Variants in SPCS2 observed in about 807,000 individuals in gnomAD.
SPCS2 encodes the protein SPase 25 kDa subunit.
Under a neutral mutation model 22.3 loss-of-function variants are expected in SPCS2, and 3 were observed. That is an observed-to-expected ratio of 0.13 (90% confidence interval 0.06 to 0.35). The LOEUF (loss-of-function observed/expected upper bound fraction) is 0.35. Among genes scored for constraint, SPCS2 ranks in the 10% least tolerant of loss-of-function variants. The probability of loss-of-function intolerance (pLI) is 1.00; values close to 1 mark genes in which losing one functional copy is unlikely to be tolerated. For synonymous variants in SPCS2, 67 were observed against 97.2 expected (o/e 0.69, Z 1.83); for missense variants, 169 against 280.9 (o/e 0.60, Z 2.85).
chr11:74,956,568 C>T (rs1479000029), intron 1 of SPCS2, among the ~76,000 whole-genome samples: 3 of 152,196 alleles, frequency 2.0e-5, no homozygotes, highest in Non-Finnish European at 2.9e-5. Context: ...AATCTGACCA[C>T]TCCTACCTAG....
At chr11:74,967,908 T>C (rs896580258) in intron 3 of SPCS2, among the ~76,000 whole-genome samples, 1 of 152,088 alleles carries the variant, frequency 6.6e-6, no homozygotes, top group African/African-American at 2.4e-5. Flanking sequence ...TACTCTAGCC[T>C]GGGTGACAGA....
At chr11:74,968,763 G>C (rs534590471) in intron 3 of SPCS2, among the ~76,000 whole-genome samples, 1 of 152,184 alleles carries the variant, frequency 6.6e-6, no homozygotes, top group Non-Finnish European at 1.5e-5. Flanking sequence ...GACCTCAAGT[G>C]ATCTGCCCAC....
chr11:74,978,605 C>T lies in SPCS2; in HGVS notation c.*1562C>T, dbSNP rs75021616. On this transcript the variant is annotated 3_prime_UTR_variant, in exon 5 of 5. Transcript: ENST00000263672. ...CATTTGCATATAACCTACACACATC[C>T]TCCCATATACTTTTAATCACCTCTG... 6.6e-6 allele frequency: 1 copy of T among 152,188 alleles called. No homozygotes were observed. The highest frequency in any genetic ancestry group is 1.5e-5 in the Non-Finnish European group (1 of 68,040). The allele number at this position is 152,188 out of a possible 1,614,324, so 9.4% of individuals were successfully genotyped here.
chr11:74,967,545 T>C (rs1279440553), intron 3 of SPCS2, among the ~76,000 whole-genome samples: 1 of 151,518 alleles, frequency 6.6e-6, no homozygotes, highest in African/African-American at 2.4e-5. Flanking sequence ...AGCCCAAGAG[T>C]TCAAGGCCAG....
At chr11:74,963,509 C>T (rs1948525853) in intron 1 of SPCS2, 2 of 372,508 alleles carry the variant, frequency 5.4e-6, no homozygotes, top group Middle Eastern at 9.1e-4. Context: ...AAAATCTTTA[C>T]AATTATTTTT....
At chr11:74,967,980 C>G (rs918376682) in intron 3 of SPCS2, among the ~76,000 whole-genome samples, 1 of 152,010 alleles carries the variant, frequency 6.6e-6, no homozygotes, top group Non-Finnish European at 1.5e-5. Context: ...TCCTTCATCT[C>G]TAAATCTCAT....
At chr11:74,959,500 T>G (rs1948499631) in intron 1 of SPCS2, among the ~76,000 whole-genome samples, 1 of 152,172 alleles carries the variant, frequency 6.6e-6, no homozygotes, top group Non-Finnish European at 1.5e-5. Flanking sequence ...TCAAGCCATC[T>G]TCCTGCCTCT....
intron 4 of SPCS2, among the ~76,000 whole-genome samples, chr11:74,972,718 C>T (rs1426888352): frequency 2.0e-5 from 3 of 150,556 alleles, no homozygotes; most frequent in Non-Finnish European, 4.4e-5. Flanking sequence ...ACATTCCCTT[C>T]TCTTTTTTTT....
chr11:74,964,565 A>G (rs1013152492), intron 1 of SPCS2, among the ~76,000 whole-genome samples: 2 of 152,224 alleles, frequency 1.3e-5, no homozygotes, highest in Admixed American at 6.5e-5. Context: ...GTATCTGTAA[A>G]TTCATGTATC....
chr11:74,952,531 A>G (rs1413211719), intron 1 of SPCS2, among the ~76,000 whole-genome samples: 3 of 152,074 alleles, frequency 2.0e-5, no homozygotes, highest in African/African-American at 7.2e-5. Flanking sequence ...TGCCCAGACT[A>G]ATCGTGAACT....
chr11:74,960,493 G>A (rs1948506429), intron 1 of SPCS2, among the ~76,000 whole-genome samples: 2 of 147,566 alleles, frequency 1.4e-5, no homozygotes, highest in Admixed American at 6.8e-5. Context: ...TCCTATTCAA[G>A]ATTAACATCT....
chr11:74,950,173 A>G (rs945773422), intron 1 of SPCS2, among the ~76,000 whole-genome samples: 8 of 152,228 alleles, frequency 5.3e-5, no homozygotes, highest in African/African-American at 1.9e-4. Context: ...TGGAAGAAAC[A>G]GTTGCACGGA....
rs75274447 is a variant in SPCS2 at position 74,949,705 on chromosome 11, G to A, written c.114+306G>A. 1.0e-2 allele frequency: 4,686 copies of A among 469,550 alleles called. 168 individuals are homozygous for A. Among genetic ancestry groups the A allele is most frequent in the African/African-American group, 0.085 (4,286 of 50,586 alleles). The allele number at this position is 469,550 out of a possible 1,614,324, so 29.1% of individuals were successfully genotyped here. The stretch of plus-strand genomic sequence containing the variant: ...TCCATCTCTTTTCTCCTGGGGGGCT[G>A]GGTGCACTGTTGTCAGTGCCCATTT... On this transcript the variant is annotated intron_variant, in intron 1 of 4. Transcript: ENST00000263672.
intron 1 of SPCS2, among the ~76,000 whole-genome samples, chr11:74,958,097 A>G (rs906838766): frequency 6.6e-6 from 1 of 152,168 alleles, no homozygotes. Context: ...AGGCTTCTCT[A>G]TTCATGGGCT....
chr11:74,972,158 C>A (rs181981702), intron 4 of SPCS2, among the ~76,000 whole-genome samples: 1 of 152,088 alleles, frequency 6.6e-6, no homozygotes, highest in Non-Finnish European at 1.5e-5. Context: ...CCTCCTCATC[C>A]GGCTTCAAGT....
At chr11:74,953,721 C>T (rs998458608) in intron 1 of SPCS2, among the ~76,000 whole-genome samples, 3 of 152,132 alleles carry the variant, frequency 2.0e-5, no homozygotes, top group Admixed American at 1.3e-4. Context: ...ATAATCTTTC[C>T]GCCTCCATCA....
At chr11:74,973,219 TC>T (rs1948596876) in intron 4 of SPCS2, among the ~76,000 whole-genome samples, 1 of 152,046 alleles carries the variant, frequency 6.6e-6, no homozygotes, top group African/African-American at 2.4e-5. Flanking sequence ...TTCCCTAAAA[TC>T]CCCCCTTTGA....
chr11:74,952,553 G>A (rs1948452941), intron 1 of SPCS2, among the ~76,000 whole-genome samples: 1 of 152,104 alleles, frequency 6.6e-6, no homozygotes, highest in Non-Finnish European at 1.5e-5. Context: ...CTGGCCTCAA[G>A]TGATCTGCCC....
At chr11:74,956,545 G>A (rs1948479941) in intron 1 of SPCS2, among the ~76,000 whole-genome samples, 1 of 152,066 alleles carries the variant, frequency 6.6e-6, no homozygotes, top group Non-Finnish European at 1.5e-5. Flanking sequence ...TATTTTCCTG[G>A]CTGTACATCC....
Sources: gnomAD v4.1 joint callset for allele counts (sites outside exome capture counted in the v4.1 genomes callset) on GRCh38, gnomAD v4.1.1 for gene constraint, MANE v1.5 for transcripts, NCBI Gene and HGNC (gene_info 2026-07-23, HGNC 2026-07-21) for gene names.